The following PKNOX2 variants were observed in gnomAD, a reference collection of about 807,000 sequenced individuals.
PKNOX2 encodes the protein homeobox protein PKNOX2.
Under a neutral mutation model 53.1 loss-of-function variants are expected in PKNOX2, and 14 were observed. The ratio of observed to expected loss-of-function variants is 0.26; its 90% CI spans 0.17 to 0.41. PKNOX2 has a LOEUF of 0.41. Among genes scored for constraint, PKNOX2 ranks in the 10% least tolerant of loss-of-function variants. The pLI is 1.00. For synonymous variants in PKNOX2, 257 were observed against 242.8 expected (o/e 1.06, Z -0.54); for missense variants, 496 against 602.8 (o/e 0.82, Z 1.85).
intron 3 of PKNOX2, among the ~76,000 whole-genome samples, chr11:125,337,892 T>C (rs1950505026): frequency 6.6e-6 from 1 of 152,182 alleles, no homozygotes; most frequent in Non-Finnish European, 1.5e-5. Context: ...CTTATTTGTC[T>C]CGGGAAGAAG....
intron 2 of PKNOX2, among the ~76,000 whole-genome samples, chr11:125,247,919 C>T (rs1007883730): frequency 6.6e-6 from 1 of 152,118 alleles, no homozygotes; most frequent in Non-Finnish European, 1.5e-5. Flanking sequence ...AGCTCCTATC[C>T]ACCTCTTCCA....
At chr11:125,421,839 C>T (rs1001446259) in intron 10 of PKNOX2, among the ~76,000 whole-genome samples, 2 of 152,196 alleles carry the variant, frequency 1.3e-5, no homozygotes, top group South Asian at 2.1e-4. Context: ...AAACCACATC[C>T]GGGGCCAAGG....
At chr11:125,176,443 G>C (rs763514822) in intron 1 of PKNOX2, among the ~76,000 whole-genome samples, 3 of 152,264 alleles carry the variant, frequency 2.0e-5, no homozygotes, top group Admixed American at 6.5e-5. Context: ...AGACGTTCAA[G>C]TTCCGTGGGT....
rs544182516 is a variant in PKNOX2 at position 125,251,216 on chromosome 11, C to T, written c.-130+16101C>T. Among the ~76,000 whole-genome samples the T allele has an allele frequency of 3.9e-5, 6 of 152,320 alleles. No homozygotes were observed. In the South Asian group the frequency reaches 1.2e-3, roughly 32 times the overall value. On this transcript the variant is annotated intron_variant, in intron 2 of 12. Coordinates refer to ENST00000298282, the MANE Select transcript of PKNOX2 (RefSeq NM_001382323.2). ...TCTAATTATGTTGATTTTCTTCATC[C>T]CATCCCTCCTGGAAGCTTATTAGGT... is the stretch of plus-strand genomic sequence containing the variant.
intron 3 of PKNOX2, among the ~76,000 whole-genome samples, chr11:125,334,587 GTT>G (rs200038202): frequency 1.4e-4 from 18 of 131,628 alleles, no homozygotes; most frequent in African/African-American, 5.4e-4. Context: ...TTAAGTTTTC[GTT>G]TTTTTTTTTT....
intron 2 of PKNOX2, among the ~76,000 whole-genome samples, chr11:125,262,692 T>C (rs1228323620): frequency 6.6e-6 from 1 of 152,034 alleles, no homozygotes; most frequent in Non-Finnish European, 1.5e-5. Flanking sequence ...TTGTCTGTGC[T>C]GGGAGGGGCT....
chr11:125,361,151 A>T (rs970846482), intron 4 of PKNOX2, among the ~76,000 whole-genome samples: 4 of 152,264 alleles, frequency 2.6e-5, no homozygotes, highest in Admixed American at 6.5e-5. Flanking sequence ...CTGATTCAAC[A>T]GATAGTTCAG....
intron 1 of PKNOX2, among the ~76,000 whole-genome samples, chr11:125,224,910 G>A (rs762712398): frequency 1.3e-5 from 2 of 152,226 alleles, no homozygotes; most frequent in Non-Finnish European, 2.9e-5. Flanking sequence ...AAGTGCCGTG[G>A]TGCCCTTTGG....
intron 7 of PKNOX2, among the ~76,000 whole-genome samples, 185 bp downstream of exon 7, chr11:125,398,247 A>C (rs934220866): frequency 2.6e-5 from 4 of 152,104 alleles, no homozygotes; most frequent in African/African-American, 9.7e-5. Context: ...CCTTTTTTAC[A>C]CACAGTCTGC....
chr11:125,355,372 T>C (rs1468773368), intron 4 of PKNOX2, among the ~76,000 whole-genome samples: 1 of 151,774 alleles, frequency 6.6e-6, no homozygotes, highest in East Asian at 1.9e-4. Context: ...GGCTTCCTGC[T>C]AAATTCTGCC....
At chr11:125,230,583 G>A (rs980389792) in intron 1 of PKNOX2, among the ~76,000 whole-genome samples, 1 of 152,190 alleles carries the variant, frequency 6.6e-6, no homozygotes, top group African/African-American at 2.4e-5. Context: ...GAGGACAGGA[G>A]CATCCAGAGA....
chr11:125,297,948 C>A (rs922497019), intron 2 of PKNOX2, among the ~76,000 whole-genome samples: 21 of 152,142 alleles, frequency 1.4e-4, no homozygotes, highest in African/African-American at 5.1e-4. Flanking sequence ...TCTTAATCAC[C>A]TTTGTTCTTG....
chr11:125,197,655 A>AACAAC (rs1555113894), intron 1 of PKNOX2, among the ~76,000 whole-genome samples: 1 of 151,794 alleles, frequency 6.6e-6, no homozygotes, highest in African/African-American at 2.4e-5. Flanking sequence ...AGCAGAGGAA[A>AACAAC]AACAACAACA....
chr11:125,263,768 G>A (rs965956823), intron 2 of PKNOX2, among the ~76,000 whole-genome samples: 2 of 152,202 alleles, frequency 1.3e-5, no homozygotes, highest in Admixed American at 1.3e-4. Context: ...CTCTCTCTGT[G>A]CCACGCCGCC....
chr11:125,306,906 T>G lies in PKNOX2; in HGVS notation c.-129-24913T>G, dbSNP rs145567360. 2.6e-3 allele frequency among the ~76,000 whole-genome samples: 401 copies of G among 152,274 alleles called. 4 individuals are homozygous for G. Among genetic ancestry groups the G allele is most frequent in the South Asian group, 0.015 (72 of 4,816 alleles). On this transcript the variant is annotated intron_variant, in intron 2 of 12. Coordinates refer to ENST00000298282, the MANE Select transcript of PKNOX2 (RefSeq NM_001382323.2). The stretch of plus-strand genomic sequence containing the variant: ...GCATTTGGAGAATTTGCTGAGAGAA[T>G]GGATTTAAGGCCACAGGGTTCCCAG...
At chr11:125,328,085 G>C (rs1000670381) in intron 2 of PKNOX2, among the ~76,000 whole-genome samples, 8 of 152,140 alleles carry the variant, frequency 5.3e-5, no homozygotes, top group African/African-American at 1.9e-4. Context: ...ATGTCGAAGG[G>C]AGCCCTGGAA....
At chr11:125,173,574 G>A (rs1955483672) in intron 1 of PKNOX2, among the ~76,000 whole-genome samples, 1 of 152,208 alleles carries the variant, frequency 6.6e-6, no homozygotes, top group Non-Finnish European at 1.5e-5. Context: ...CAAATGCTGG[G>A]AAGAGCTACT....
intron 7 of PKNOX2, among the ~76,000 whole-genome samples, chr11:125,403,518 G>A (rs1954882991): frequency 6.6e-6 from 1 of 152,144 alleles, no homozygotes; most frequent in Non-Finnish European, 1.5e-5. Flanking sequence ...TTCATGACAG[G>A]CTGCAAGGTA....
intron 1 of PKNOX2, among the ~76,000 whole-genome samples, chr11:125,234,586 C>T (rs1446489247): frequency 2.6e-5 from 4 of 152,278 alleles, no homozygotes; most frequent in East Asian, 1.9e-4. Flanking sequence ...TCAGCGTTGT[C>T]GTTTGCTTGC....
Sources: gnomAD v4.1 joint callset for allele counts (sites outside exome capture counted in the v4.1 genomes callset) on GRCh38, gnomAD v4.1.1 for gene constraint, MANE v1.5 for transcripts, NCBI Gene and HGNC (gene_info 2026-07-23, HGNC 2026-07-21) for gene names.